RGS3: variants seen among roughly 807,000 people sequenced by gnomAD.
The protein encoded by RGS3 is regulator of G-protein signalling 3.
RGS3 carries 80 observed loss-of-function variants against 132.6 expected under a neutral mutation model. The observed-to-expected ratio is 0.60, with a 90% CI of 0.50 to 0.73. RGS3 has a LOEUF of 0.73. Among genes scored for constraint, RGS3 ranks in the 30% least tolerant of loss-of-function variants. RGS3 has a pLI of 0.00. For missense variants in RGS3, 1,382 were observed against 1,530.8 expected (o/e 0.90, Z 1.62); for synonymous variants, 598 against 620.6 (o/e 0.96, Z 0.54).
intron 18 of RGS3, chr9:113,536,513 G>C: frequency 8.5e-7 from 1 of 1,179,804 alleles, no homozygotes; most frequent in South Asian, 2.1e-5. Flanking sequence ...CATCGGCTCT[G>C]TCCTGCTCTC....
chr9:113,545,424 C>G (rs79862656), intron 19 of RGS3, among the ~76,000 whole-genome samples: 2,074 of 152,290 alleles, frequency 0.014, 42 homozygotes, highest in African/African-American at 0.048. Flanking sequence ...CAGCCATCTC[C>G]CCTAAGAGAT....
intron 19 of RGS3, among the ~76,000 whole-genome samples, chr9:113,554,611 T>G (rs1833489392): frequency 6.6e-6 from 1 of 152,168 alleles, no homozygotes; most frequent in Non-Finnish European, 1.5e-5. Context: ...CCAGCCTCAT[T>G]TTATGTTGAT....
chr9:113,490,954 G>A (rs1401939608), intron 7 of RGS3, among the ~76,000 whole-genome samples: 5 of 120,508 alleles, frequency 4.1e-5, no homozygotes, highest in Non-Finnish European at 8.1e-5. Context: ...ATTATATATC[G>A]GTATATATAA....
intron 4 of RGS3, among the ~76,000 whole-genome samples, chr9:113,481,432 C>A (rs1830155619): frequency 6.6e-6 from 1 of 152,202 alleles, no homozygotes; most frequent in Admixed American, 6.5e-5. Flanking sequence ...GGAACAGTAA[C>A]CAGGATACTG....
chr9:113,462,991 A>C (rs1253054322), intron 3 of RGS3, among the ~76,000 whole-genome samples: 3 of 152,374 alleles, frequency 2.0e-5, no homozygotes, highest in South Asian at 2.1e-4. Context: ...CTGACAAAGC[A>C]GCAAAGCAGG....
rs1829517860 is a variant in RGS3 at position 113,463,261 on chromosome 9, G to C, written c.415+1060G>C. ...TTGGGAAGAGGATGCAGCATGGTGG[G>C]GGGCGACCTGTCCAAGCGCAGAGAA... On this transcript the variant is annotated intron_variant, in intron 3 of 24. Coordinates refer to ENST00000350696, the Ensembl canonical transcript of RGS3. This position sits in a 1 kb window ranked among gnomAD's most constrained non-coding sequence, Gnocchi z 4.6. Among the ~76,000 whole-genome samples, 1 of 152,250 alleles carries C rather than the reference G, an allele frequency of 6.6e-6. No homozygotes were observed.
At chr9:113,457,282 A>G (rs188536921), upstream of RGS3, among the ~76,000 whole-genome samples, 568 of 152,248 alleles carry the variant, frequency 3.7e-3, 3 homozygotes, top group Non-Finnish European at 6.1e-3. Context: ...ATACTTGGCT[A>G]AATCATACTG....
chr9:113,474,409 C>T (rs917060388), intron 3 of RGS3, among the ~76,000 whole-genome samples: 6 of 152,168 alleles, frequency 3.9e-5, no homozygotes, highest in African/African-American at 7.2e-5. Context: ...TGTTTCCCAG[C>T]GCCACTGCAG....
chr9:113,580,648 A>G (rs1834748987), intron 19 of RGS3: 1 of 263,590 alleles, frequency 3.8e-6, no homozygotes, highest in Admixed American at 6.5e-5. Context: ...GAACCCTTCC[A>G]TCTTGGTTAG....
In RGS3 at chr9:113,447,329, G is replaced by GTATATATA. The variant is rs60991619; in HGVS notation, c.-13+2427_-13+2434dup. Among the ~76,000 whole-genome samples, 183 of 27,528 alleles carry GTATATATA rather than the reference G, an allele frequency of 6.6e-3. 24 individuals are homozygous for GTATATATA. The highest frequency in any genetic ancestry group is 0.015 in the East Asian group (4 of 266). The allele number at this position is 27,528 out of a possible 152,430, so 18.1% of individuals were successfully genotyped here. On this transcript the variant is annotated intron_variant, in intron 1 of 25. Transcript: ENST00000374140. ...CCAATAAATTCTGATGTATGTATAT[G>GTATATATA]TATATATATATATATATATATATAT...
chr9:113,583,766 G>A, exon 20 of RGS3: 2 of 1,614,044 alleles, frequency 1.2e-6, no homozygotes, highest in Non-Finnish European at 1.7e-6. Flanking sequence ...CTACCTGCTG[G>A]TCAAGAACCC....
At chr9:113,468,074 T>A (rs756469076) in intron 3 of RGS3, among the ~76,000 whole-genome samples, 3 of 152,204 alleles carry the variant, frequency 2.0e-5, no homozygotes, top group Non-Finnish European at 4.4e-5. Context: ...TACTTTATCT[T>A]TTGTTACTTG....
intron 10 of RGS3, among the ~76,000 whole-genome samples, chr9:113,500,098 C>T (rs1300461012): frequency 6.6e-6 from 1 of 152,190 alleles, no homozygotes; most frequent in Non-Finnish European, 1.5e-5. Flanking sequence ...TAAAGTCCTC[C>T]TGCGTGCTGG....
intron 19 of RGS3, among the ~76,000 whole-genome samples, chr9:113,539,383 C>T (rs1014729724): frequency 6.6e-6 from 1 of 152,156 alleles, no homozygotes; most frequent in Non-Finnish European, 1.5e-5. Context: ...GATCTCAGCT[C>T]GCTGCAGCCT....
chr9:113,505,241 T>G (rs1386666690), intron 10 of RGS3: 1 of 585,826 alleles, frequency 1.7e-6, no homozygotes, highest in Non-Finnish European at 3.1e-6. Flanking sequence ...GCTTTGGGCC[T>G]TCCTGCTTGG....
intron 17 of RGS3, among the ~76,000 whole-genome samples, chr9:113,527,295 T>A (rs1412782820): frequency 6.6e-6 from 1 of 152,232 alleles, no homozygotes; most frequent in African/African-American, 2.4e-5. Flanking sequence ...AACCTTCTCT[T>A]TTCTTGCCGC....
intron 16 of RGS3, chr9:113,522,524 A>G: frequency 5.9e-6 from 1 of 169,520 alleles, no homozygotes; most frequent in Non-Finnish European, 1.3e-5. Context: ...ATAAAAGCAA[A>G]TATGGAAAAT....
At chr9:113,505,363 G>A in intron 10 of RGS3, 79 bp from the exon 9 acceptor site, 1 of 1,264,762 alleles carries the variant, frequency 7.9e-7, no homozygotes, top group South Asian at 1.2e-5. Flanking sequence ...TGGCAGGGGT[G>A]GGCTGTGGGC....
At chr9:113,528,203 G>C (rs1026313415) in intron 17 of RGS3, among the ~76,000 whole-genome samples, 1 of 152,178 alleles carries the variant, frequency 6.6e-6, no homozygotes, top group African/African-American at 2.4e-5. Flanking sequence ...TACGTGCTGC[G>C]TGGTTGCTTC....
Sources: allele counts gnomAD v4.1 joint callset (sites outside exome capture counted in the v4.1 genomes callset), GRCh38; gene constraint gnomAD v4.1.1; non-coding constraint Gnocchi (gnomAD v3.1); transcripts MANE v1.5; gene names NCBI Gene and HGNC (gene_info 2026-07-23, HGNC 2026-07-21).